Variants in AGBL4 observed in about 807,000 individuals in gnomAD.
AGBL4 encodes AGBL carboxypeptidase 4.
In AGBL4, 58 loss-of-function variants were observed where a neutral mutation model predicts 66.4. The observed-to-expected ratio is 0.87, with a 90% CI of 0.71 to 1.09. AGBL4 has a LOEUF of 1.09. AGBL4 is among the 50% of genes least tolerant of loss of function. AGBL4 has a pLI of 0.00. For missense variants in AGBL4, 579 were observed against 631.0 expected (o/e 0.92, Z 0.88); for synonymous variants, 234 against 222.9 (o/e 1.05, Z -0.44).
chr1:49,177,886 A>T (rs1646860748), intron 4 of AGBL4, among the ~76,000 whole-genome samples: 4 of 152,158 alleles, frequency 2.6e-5, no homozygotes, highest in Admixed American at 2.6e-4. Flanking sequence ...TGTCAACTGG[A>T]ATACCAATTT....
intron 3 of AGBL4, among the ~76,000 whole-genome samples, chr1:49,330,821 G>A (rs1645317273): frequency 6.6e-6 from 1 of 152,178 alleles, no homozygotes; most frequent in South Asian, 2.1e-4. Flanking sequence ...CGCTCATGGA[G>A]AGGAATTAAA....
At chr1:49,397,213 G>A (rs1419443956) in intron 3 of AGBL4, among the ~76,000 whole-genome samples, 7 of 151,568 alleles carry the variant, frequency 4.6e-5, no homozygotes, top group Non-Finnish European at 1.0e-4. Flanking sequence ...GAAAAGAGAA[G>A]CACAATATAG....
intron 3 of AGBL4, among the ~76,000 whole-genome samples, chr1:49,277,652 C>T (rs1018865077): frequency 3.3e-5 from 5 of 150,670 alleles, no homozygotes. Context: ...AAAAAATATG[C>T]TTCTTTCAAT....
chr1:48,987,684 C>T (rs1660285195), intron 5 of AGBL4, among the ~76,000 whole-genome samples: 1 of 152,138 alleles, frequency 6.6e-6, no homozygotes, highest in Admixed American at 6.6e-5. Context: ...GAACATTCCA[C>T]TCAACAACAG....
chr1:49,854,654 T>C (rs1016050457), intron 1 of AGBL4, among the ~76,000 whole-genome samples: 3 of 151,968 alleles, frequency 2.0e-5, no homozygotes, highest in African/African-American at 7.3e-5. Context: ...CCCAAGGACA[T>C]CCTCCCACAT....
At chr1:49,321,802 T>C (rs1645137449) in intron 3 of AGBL4, among the ~76,000 whole-genome samples, 1 of 152,204 alleles carries the variant, frequency 6.6e-6, no homozygotes, top group Non-Finnish European at 1.5e-5. Context: ...CATACTTCTA[T>C]ATATCCTTTG....
At chr1:49,256,778 T>C (rs1173513866) in intron 3 of AGBL4, among the ~76,000 whole-genome samples, 1 of 152,224 alleles carries the variant, frequency 6.6e-6, no homozygotes, top group African/African-American at 2.4e-5. Context: ...TTTACATTGC[T>C]GTGGATTTGT....
chr1:48,611,135 T>C (rs2148380463), intron 9 of AGBL4, among the ~76,000 whole-genome samples: 1 of 152,368 alleles, frequency 6.6e-6, no homozygotes, highest in Middle Eastern at 3.4e-3. Flanking sequence ...CCCTGATATC[T>C]GTTTGTGAAA....
intron 2 of AGBL4, among the ~76,000 whole-genome samples, chr1:49,756,340 C>A (rs985149357): frequency 6.6e-6 from 1 of 152,026 alleles, no homozygotes; most frequent in Non-Finnish European, 1.5e-5. Flanking sequence ...AAGCCCTGAG[C>A]CTAGTGGGCT....
At chr1:49,600,656 T>A (rs1159201024) in intron 3 of AGBL4, among the ~76,000 whole-genome samples, 1 of 152,206 alleles carries the variant, frequency 6.6e-6, no homozygotes, top group Non-Finnish European at 1.5e-5. Context: ...GTCCTTATGA[T>A]GCTAGCTGGT....
At chr1:49,562,040 G>T (rs1644061342) in intron 3 of AGBL4, among the ~76,000 whole-genome samples, 1 of 152,062 alleles carries the variant, frequency 6.6e-6, no homozygotes, top group Non-Finnish European at 1.5e-5. Context: ...GTTTTGATTT[G>T]CATTTCTCTG....
intron 4 of AGBL4, chr1:49,048,197 A>C (rs947265003): frequency 6.6e-6 from 1 of 152,112 alleles, no homozygotes; most frequent in Admixed American, 6.6e-5. Context: ...AGTGGTTCCT[A>C]CAGTCATAAG....
chr1:48,741,981 C>T (rs756309837), intron 6 of AGBL4, among the ~76,000 whole-genome samples: 4 of 152,182 alleles, frequency 2.6e-5, no homozygotes, highest in South Asian at 2.1e-4. Flanking sequence ...AGATTTTTCA[C>T]GAGCGATTCC....
chr1:49,571,566 G>A (rs1351439965), intron 3 of AGBL4, among the ~76,000 whole-genome samples: 3 of 151,994 alleles, frequency 2.0e-5, no homozygotes, highest in Non-Finnish European at 4.4e-5. Context: ...CCTTTTATTT[G>A]TTTCTCTTGG....
At chr1:49,555,250 G>T (rs1481720361) in intron 3 of AGBL4, among the ~76,000 whole-genome samples, 8 of 145,806 alleles carry the variant, frequency 5.5e-5, no homozygotes, top group African/African-American at 2.0e-4. Flanking sequence ...TTGGTGCATT[G>T]ACAATCCTTT....
At chr1:49,362,073 AC>A (rs1299539940) in intron 3 of AGBL4, among the ~76,000 whole-genome samples, 1 of 152,096 alleles carries the variant, frequency 6.6e-6, no homozygotes, top group Non-Finnish European at 1.5e-5. Context: ...AAAATAGTCA[AC>A]CTTGATTTTT....
intron 11 of AGBL4, among the ~76,000 whole-genome samples, chr1:48,567,156 G>C (rs75870230): frequency 0.095 from 14,478 of 152,226 alleles, 968 homozygotes; most frequent in African/African-American, 0.19. Flanking sequence ...GAGGATGATT[G>C]TTCCTCCTTC....
chr1:49,008,026 G>A (rs987306245), intron 5 of AGBL4, among the ~76,000 whole-genome samples: 12 of 152,124 alleles, frequency 7.9e-5, no homozygotes, highest in East Asian at 5.8e-4. Flanking sequence ...AACACATAAC[G>A]ATATTAACTT....
intron 6 of AGBL4, among the ~76,000 whole-genome samples, chr1:48,764,728 T>G (rs1644448184): frequency 6.6e-6 from 1 of 152,232 alleles, no homozygotes; most frequent in South Asian, 2.1e-4. Flanking sequence ...GCTACCTCAC[T>G]GAGCATAATT....
Sources: allele counts gnomAD v4.1 joint callset (sites outside exome capture counted in the v4.1 genomes callset), GRCh38; gene constraint gnomAD v4.1.1; transcripts MANE v1.5; gene names NCBI Gene and HGNC (gene_info 2026-07-23, HGNC 2026-07-21).